Variants in SIK3 observed in about 807,000 individuals in gnomAD.
SIK3 encodes serine/threonine-protein kinase SIK3.
In SIK3, 28 loss-of-function variants were observed where a neutral mutation model predicts 144.2. That is an observed-to-expected ratio of 0.19 (90% confidence interval 0.14 to 0.27). SIK3 has a LOEUF of 0.27. Ranked by LOEUF, SIK3 falls within the 10% of genes least tolerant of loss-of-function variation. The pLI is 1.00. For missense variants in SIK3, 1,319 were observed against 1,776.0 expected (o/e 0.74, Z 4.62); for synonymous variants, 686 against 676.3 (o/e 1.01, Z -0.22).
intron 1 of SIK3, among the ~76,000 whole-genome samples, chr11:117,066,073 CT>C (rs5795060): frequency 0.012 from 1,647 of 140,504 alleles, 17 homozygotes; most frequent in East Asian, 0.033. Flanking sequence ...TTCTTTTCTT[CT>C]TTTTTTTTTT....
In SIK3 at chr11:117,098,206, G is replaced by T; in HGVS notation, c.210C>A (p.Arg70=). Residue 70 remains arginine, a synonymous_variant, in exon 1 of 25, where the codon CGC becomes CGA. Coordinates refer to ENST00000445177, the MANE Select transcript of SIK3 (RefSeq NM_001366686.3). The part of the protein sequence containing the change: ...PARIGYYEID[R]TIGKGNFAVV... ...CCGCGAAGTTGCCCTTGCCGATGGT[G>T]CGGTCGATCTCGTAGTAGCCGATAC... The T allele has an allele frequency of 6.6e-7, 1 of 1,521,544 alleles. No homozygotes were observed. The highest frequency in any genetic ancestry group is 1.2e-5 in the South Asian group (1 of 86,620). 94.3% of individuals were successfully genotyped at this position (1,521,544 alleles called of 1,614,324 possible).
chr11:116,960,385 G>T (rs1466372535), intron 1 of SIK3, among the ~76,000 whole-genome samples: 1 of 152,126 alleles, frequency 6.6e-6, no homozygotes, highest in African/African-American at 2.4e-5. Flanking sequence ...AATTAGCCAG[G>T]TGTGGTAGTG....
chr11:116,877,273 C>T (rs1944305143), intron 6 of SIK3, among the ~76,000 whole-genome samples: 2 of 152,164 alleles, frequency 1.3e-5, no homozygotes, highest in African/African-American at 4.8e-5. Flanking sequence ...TGGTTGTTGC[C>T]TTCACCAAAA....
chr11:116,963,251 G>A (rs1313816440), intron 1 of SIK3, among the ~76,000 whole-genome samples: 1 of 152,204 alleles, frequency 6.6e-6, no homozygotes, highest in African/African-American at 2.4e-5. Flanking sequence ...ATTCCCAGGA[G>A]GGGTTCTCTC....
intron 3 of SIK3, 57 bp from the exon 4 acceptor site, chr11:116,927,437 A>C: frequency 6.4e-7 from 1 of 1,569,214 alleles, no homozygotes; most frequent in Non-Finnish European, 8.7e-7. Context: ...TAATTTCAAA[A>C]GGTAGACTTA....
At chr11:117,013,967 CTTTT>C (rs1170256245) in intron 1 of SIK3, among the ~76,000 whole-genome samples, 119 of 7,354 alleles carry the variant, frequency 0.016, 5 homozygotes, top group South Asian at 0.031. Context: ...TTCTTTTTTT[CTTTT>C]CTTTTTTTTT....
chr11:117,003,080 C>T (rs1351856649), intron 1 of SIK3, among the ~76,000 whole-genome samples: 4 of 152,168 alleles, frequency 2.6e-5, no homozygotes, highest in Admixed American at 2.6e-4. Flanking sequence ...CCAATAACAA[C>T]AAAAATGAGG....
intron 1 of SIK3, among the ~76,000 whole-genome samples, chr11:116,996,453 A>T (rs529577769): frequency 6.6e-5 from 10 of 152,334 alleles, no homozygotes; most frequent in African/African-American, 2.4e-4. Context: ...GGCCAGAAAA[A>T]TATCAATAAT....
chr11:117,049,380 C>A (rs557741380), intron 1 of SIK3, among the ~76,000 whole-genome samples: 5 of 152,056 alleles, frequency 3.3e-5, no homozygotes, highest in Non-Finnish European at 7.4e-5. Context: ...GAGTTCGAGA[C>A]CAGCCTGGCC....
intron 4 of SIK3, among the ~76,000 whole-genome samples, chr11:116,915,122 A>ATGTG (rs1423283335): frequency 4.6e-4 from 46 of 100,062 alleles, no homozygotes; most frequent in African/African-American, 8.8e-4. Flanking sequence ...AGGAAGCCAT[A>ATGTG]TATGTGTGTG....
chr11:117,097,187 T>C (rs527873172), intron 1 of SIK3, among the ~76,000 whole-genome samples: 4 of 152,264 alleles, frequency 2.6e-5, no homozygotes, highest in South Asian at 4.2e-4. Context: ...AGCTTCCTAA[T>C]TGACCTTGGC....
chr11:116,931,188 A>C (rs543678125), intron 3 of SIK3, among the ~76,000 whole-genome samples: 1 of 152,212 alleles, frequency 6.6e-6, no homozygotes, highest in Non-Finnish European at 1.5e-5. Flanking sequence ...ACGAAGAGTA[A>C]TATTGTTAGA....
At chr11:117,070,752 C>CTTT (rs368884148) in intron 1 of SIK3, among the ~76,000 whole-genome samples, 22 of 128,150 alleles carry the variant, frequency 1.7e-4, no homozygotes, top group African/African-American at 6.3e-4. Flanking sequence ...GGCCCTTTTT[C>CTTT]TTTTTTTTTT....
At chr11:116,949,983 C>G (rs1000886157) in intron 3 of SIK3, 1 of 397,356 alleles carries the variant, frequency 2.5e-6, no homozygotes, top group Non-Finnish European at 5.0e-6. Context: ...CGCTCCCACT[C>G]TAGGAACTGA....
At chr11:116,921,662 C>T (rs1473826754) in intron 4 of SIK3, among the ~76,000 whole-genome samples, 1 of 152,166 alleles carries the variant, frequency 6.6e-6, no homozygotes, top group Non-Finnish European at 1.5e-5. Flanking sequence ...AGCCACCTCT[C>T]CCTGTCGTAA....
rs1350325939 is a variant in SIK3 at position 116,844,623 on chromosome 11, A to AT, written c.*1019dup. ...TATATATATATTATATATATAATATATATATAATATATTATATTATATATT... is the reference window on the plus strand; with the variant it reads ...TATATATATATTATATATATAATATATTATATAATATATTATATTATATATT... On this transcript the variant is annotated 3_prime_UTR_variant, in exon 25 of 25. Coordinates refer to ENST00000445177, the MANE Select transcript of SIK3 (RefSeq NM_001366686.3). 1.8e-5 allele frequency: 1 copy of AT among 55,292 alleles called. No homozygotes were observed. Among genetic ancestry groups the AT allele is most frequent in the East Asian group, 3.3e-4 (1 of 3,066 alleles). 3.4% of individuals were successfully genotyped at this position (55,292 alleles called of 1,614,324 possible).
chr11:116,871,590 AG>A (rs1235608902), intron 13 of SIK3, among the ~76,000 whole-genome samples: 1 of 152,236 alleles, frequency 6.6e-6, no homozygotes. Context: ...GGCTGGTGGC[AG>A]GGATCAGGGG....
intron 1 of SIK3, among the ~76,000 whole-genome samples, chr11:117,057,485 C>G (rs552278550): frequency 2.8e-4 from 42 of 152,242 alleles, no homozygotes; most frequent in African/African-American, 9.9e-4. Flanking sequence ...AGTAGACTGG[C>G]AAGCTGTGAT....
intron 1 of SIK3, among the ~76,000 whole-genome samples, chr11:117,026,412 T>C (rs149509213): frequency 1.2e-3 from 179 of 152,318 alleles, no homozygotes; most frequent in Middle Eastern, 3.4e-3. Flanking sequence ...TGCGTGACTA[T>C]ACTTGCATTC....
Sources: allele counts gnomAD v4.1 joint callset (sites outside exome capture counted in the v4.1 genomes callset), GRCh38; gene constraint gnomAD v4.1.1; transcripts MANE v1.5; gene names NCBI Gene and HGNC (gene_info 2026-07-23, HGNC 2026-07-21).